Variants in LRIT3 observed in about 807,000 individuals in gnomAD.
The protein encoded by LRIT3 is leucine-rich repeat, immunoglobulin-like domain and transmembrane domain-containing protein 3.
A neutral mutation model predicts 22.6 loss-of-function variants in LRIT3; 14 were observed. That is an observed-to-expected ratio of 0.62 (90% CI 0.41 to 0.97). The LOEUF is 0.97. Among genes scored for constraint, LRIT3 ranks in the 50% least tolerant of loss-of-function variants. The probability of loss-of-function intolerance (pLI) is 0.00; values close to 1 mark genes in which losing one functional copy is unlikely to be tolerated. For missense variants in LRIT3, 783 were observed against 803.0 expected (o/e 0.98, Z 0.30); for synonymous variants, 306 against 304.5 (o/e 1.01, Z -0.05).
At position 109,870,610 on chromosome 4, in the gene LRIT3, T is replaced by G. The variant is rs780521917; in HGVS notation, c.1861T>G (p.Leu621Val). The change falls in exon 4 of 4, where the codon TTG becomes GTG. Residue 621 changes from leucine (L) to valine (V), a missense_variant. Around this residue, in one of 2 missense-constraint regions of LRIT3, gnomAD observed 756 missense variants for 753.8 expected, o/e 1.00. Coordinates refer to ENST00000594814, the MANE Select transcript of LRIT3 (RefSeq NM_198506.5). ...CKSEPFWEDD[L>V]AKETYIQFET... Reference sequence around the variant, plus strand: ...ATCAGAACCTTTTTGGGAAGATGATTTGGCAAAGGAGACTTATATCCAATT... The same window carrying G: ...ATCAGAACCTTTTTGGGAAGATGATGTGGCAAAGGAGACTTATATCCAATT... The G allele has an allele frequency of 6.2e-7, 1 of 1,613,704 alleles. No homozygotes were observed. Among genetic ancestry groups the G allele is most frequent in the Non-Finnish European group, 8.5e-7 (1 of 1,179,778 alleles).
intron 2 of LRIT3, 121 bp downstream of exon 2, chr4:109,852,097 G>A: frequency 1.2e-6 from 1 of 858,904 alleles, no homozygotes; most frequent in Admixed American, 3.0e-5. Context: ...ACTTTTACTG[G>A]AATAGTACCT....
chr4:109,856,843 G>A lies in LRIT3; in HGVS notation c.589+4867G>A, dbSNP rs1364185729. ...TTTTTGCCATTTATCCGCAAAATGA[G>A]CAGTTTGAATAGATTGATGTAATGC... On this transcript the variant is annotated intron_variant, in intron 2 of 3. Coordinates refer to ENST00000594814, the MANE Select transcript of LRIT3 (RefSeq NM_198506.5). 2.0e-5 allele frequency among the ~76,000 whole-genome samples: 3 copies of A among 152,146 alleles called. No homozygotes were observed. In the East Asian group the frequency reaches 5.8e-4, roughly 29 times the overall value.
intron 2 of LRIT3, among the ~76,000 whole-genome samples, chr4:109,863,136 A>T (rs1048373635): frequency 6.6e-6 from 1 of 152,230 alleles, no homozygotes; most frequent in South Asian, 2.1e-4. Context: ...TAAGCCATTT[A>T]CAAAGTCAAG....
At chr4:109,862,848 G>T (rs1384768806) in intron 2 of LRIT3, among the ~76,000 whole-genome samples, 1 of 152,072 alleles carries the variant, frequency 6.6e-6, no homozygotes, top group Non-Finnish European at 1.5e-5. Context: ...ACCATACCTG[G>T]CTAATTTTTG....
chr4:109,870,165 G>A lies in LRIT3; in HGVS notation c.1416G>A (p.Leu472=), dbSNP rs374827214. The change falls in exon 4 of 4, where the codon CTG becomes CTA. Residue 472 remains leucine, a synonymous_variant. Coordinates refer to ENST00000594814, the MANE Select transcript of LRIT3 (RefSeq NM_198506.5). ...CCAGCACAAGTAAGAAAGAAGAGCT[G>A]GCATTGTTGGATCAAACAATGCTTA... The part of the protein sequence containing the change: ...PPASTSKKEE[L]ALLDQTMLTE... The A allele has an allele frequency of 5.6e-6, 9 of 1,614,202 alleles. No homozygotes were observed. The highest frequency in any genetic ancestry group is 7.6e-6 in the Non-Finnish European group (9 of 1,180,038).
At position 109,848,310 on chromosome 4, in the gene LRIT3, G is replaced by C; in HGVS notation, c.109G>C (p.Gly37Arg). The C allele has an allele frequency of 8.1e-7, 1 of 1,230,526 alleles. No individual in the cohort carries two copies. The highest frequency in any genetic ancestry group is 1.0e-6 in the Non-Finnish European group (1 of 986,576). The allele number at this position is 1,230,526 out of a possible 1,614,324, so 76.2% of individuals were successfully genotyped here. ...CDYHGRNDGS[G>R]SRLVLCNDMD... is the part of the protein sequence containing the mutation. Reference sequence around the variant, plus strand: ...TTATCACGGCAGAAATGACGGCTCAGGATCAAGGTATGCTCCTCTGCTTGT... The same window carrying C: ...TTATCACGGCAGAAATGACGGCTCACGATCAAGGTATGCTCCTCTGCTTGT... The change falls in exon 1 of 4, where the codon GGA becomes CGA. Residue 37 changes from glycine (G) to arginine (R), a missense_variant. Around this residue, in one of 2 missense-constraint regions of LRIT3, gnomAD observed 27 missense variants for 49.2 expected, o/e 0.55. Coordinates refer to ENST00000594814, the MANE Select transcript of LRIT3 (RefSeq NM_198506.5).
At chr4:109,865,072 C>T in intron 2 of LRIT3, 1 of 1,407,314 alleles carries the variant, frequency 7.1e-7, no homozygotes, top group Non-Finnish European at 9.3e-7. Context: ...GTTTGTTGTT[C>T]CATCTTTGGT....
At chr4:109,852,620 TAC>T (rs1244227281) in intron 2 of LRIT3, among the ~76,000 whole-genome samples, 1 of 152,068 alleles carries the variant, frequency 6.6e-6, no homozygotes, top group East Asian at 1.9e-4. Flanking sequence ...ATTATTATTA[TAC>T]TTTATGTGCA....
chr4:109,867,901 C>T lies in LRIT3; in HGVS notation c.850C>T (p.Gln284Ter). The T allele has an allele frequency of 1.2e-6, 2 of 1,613,780 alleles. No homozygotes were observed. Among genetic ancestry groups the T allele is most frequent in the Non-Finnish European group, 1.7e-6 (2 of 1,180,004 alleles). ...TGATGCCACTGGCTTCCCCACCCCA[C>T]AGATCACATGGACCAGATCTGACAG... Reference protein sequence around the residue: ...RCDATGFPTPQITWTRSDSSP... With the variant: ...RCDATGFPTP The change falls in exon 3 of 4, where the codon CAG (glutamine) becomes TAG (stop). Residue 284 changes from glutamine (Q) to a stop codon, truncating the protein, a stop_gained. Transcript: ENST00000594814. LOFTEE classifies it low-confidence loss of function (END_TRUNC).
intron 1 of LRIT3, among the ~76,000 whole-genome samples, chr4:109,850,971 A>G (rs187617288): frequency 2.2e-4 from 33 of 152,272 alleles, no homozygotes; most frequent in African/African-American, 5.8e-4. Flanking sequence ...TCACCTAAAT[A>G]AATTATTCTC....
chr4:109,870,663 T>G lies in LRIT3; in HGVS notation c.1914T>G (p.Ser638Arg). Reference protein sequence around the residue: ...QFETLFPRSQSVGELWTRSHR... With the variant: ...QFETLFPRSQRVGELWTRSHR... ...AGACCCTGTTTCCCAGGTCTCAAAG[T>G]GTAGGTGAGCTCTGGACACGAAGCC... Residue 638 changes from serine to arginine, a missense_variant, in exon 4 of 4, where the codon AGT becomes AGG. By Grantham distance (110) the Ser-to-Arg change is moderately radical. Transcript: ENST00000594814. 6.2e-7 allele frequency: 1 copy of G among 1,614,108 alleles called. No individual in the cohort carries two copies.
chr4:109,855,635 G>T (rs1403006399), intron 2 of LRIT3, among the ~76,000 whole-genome samples: 2 of 152,082 alleles, frequency 1.3e-5, no homozygotes, highest in Admixed American at 6.5e-5. Flanking sequence ...TGATGTTAGG[G>T]TGTCAATTTT....
intron 2 of LRIT3, among the ~76,000 whole-genome samples, chr4:109,852,661 A>G (rs1273591188): frequency 6.6e-6 from 1 of 152,076 alleles, no homozygotes; most frequent in Admixed American, 6.6e-5. Context: ...CATAGGTATA[A>G]ACATGCCATG....
chr4:109,870,348 C>T lies in LRIT3; in HGVS notation c.1599C>T (p.Asp533=), dbSNP rs751716001. The T allele has an allele frequency of 1.4e-5, 23 of 1,614,032 alleles. No individual in the cohort carries two copies. In the Admixed American group the frequency reaches 3.7e-4, roughly 26 times the overall value. ...AGGACCTGCTGCTGTTGAATGCAGA[C>T]TCCAGCAAGAACCAAGTAACCATAG... The part of the protein sequence containing the change: ...GGKDLLLLNA[D]SSKNQVTIDG... The change falls in exon 4 of 4, where the codon GAC becomes GAT. Residue 533 remains aspartate (D), a synonymous_variant. Coordinates refer to ENST00000594814, the MANE Select transcript of LRIT3 (RefSeq NM_198506.5).
In LRIT3 at chr4:109,870,575, T is replaced by C. The variant is rs1332963077; in HGVS notation, c.1826T>C (p.Leu609Pro). 6.2e-7 allele frequency: 1 copy of C among 1,613,908 alleles called. No individual in the cohort carries two copies. The highest frequency in any genetic ancestry group is 1.3e-5 in the African/African-American group (1 of 74,934). The change falls in exon 4 of 4, where the codon CTG becomes CCG. Residue 609 changes from leucine (L) to proline (P), a missense_variant. Leu to Pro is a moderately conservative substitution (Grantham distance 98). Around this residue, in one of 2 missense-constraint regions of LRIT3, gnomAD observed 756 missense variants for 753.8 expected, o/e 1.00. Coordinates refer to ENST00000594814, the MANE Select transcript of LRIT3 (RefSeq NM_198506.5). ...TTCTTGTTGTACAAAGTTTGCAAAC[T>C]GCAATGTAAATCAGAACCTTTTTGG... ...ICFLLYKVCK[L>P]QCKSEPFWED...
At chr4:109,848,897 C>A (rs1018093908) in intron 1 of LRIT3, among the ~76,000 whole-genome samples, 1 of 152,186 alleles carries the variant, frequency 6.6e-6, no homozygotes, top group African/African-American at 2.4e-5. Flanking sequence ...AGAAGTTATT[C>A]AATCTCTAGG....
Position 109,870,759 on chromosome 4 carries a change from T to G in LRIT3, c.2010T>G (p.Ser670Arg), listed in dbSNP as rs1183995313. Residue 670 changes from serine to arginine, a missense_variant, in exon 4 of 4, where the codon AGT becomes AGG. Ser to Arg is a moderately radical substitution (Grantham distance 110). This residue lies in a region of LRIT3 where 756 missense variants were observed against 753.8 expected (regional missense o/e 1.00). Coordinates refer to ENST00000594814, the MANE Select transcript of LRIT3 (RefSeq NM_198506.5). ...SSVESQVTFK[S>R]EGSRPEYYC ...TGGAATCTCAGGTGACTTTTAAAAG[T>G]GAAGGTTCCAGACCAGAGTATTATT... 6 of 1,610,726 alleles carry G rather than the reference T, an allele frequency of 3.7e-6. No homozygotes were observed. Among genetic ancestry groups the G allele is most frequent in the Non-Finnish European group, 4.2e-6 (5 of 1,178,272 alleles).
intron 2 of LRIT3, among the ~76,000 whole-genome samples, chr4:109,866,918 T>C (rs935584087): frequency 2.0e-5 from 3 of 152,174 alleles, no homozygotes; most frequent in African/African-American, 7.2e-5. Context: ...ATTGAGCAAG[T>C]CACCTTCATG....
chr4:109,853,959 A>G (rs532523780), intron 2 of LRIT3, among the ~76,000 whole-genome samples: 118 of 152,270 alleles, frequency 7.7e-4, no homozygotes, highest in African/African-American at 2.6e-3. Context: ...CTGTTTTGGT[A>G]TCAGTACTGT....
Sources: gnomAD v4.1 joint callset for allele counts (sites outside exome capture counted in the v4.1 genomes callset) on GRCh38, gnomAD v4.1.1 for gene constraint, gnomAD v4.1.1 regional missense constraint, MANE v1.5 for transcripts, NCBI Gene and HGNC (gene_info 2026-07-23, HGNC 2026-07-21) for gene names.